RBFOX1: variants seen among roughly 807,000 people sequenced by gnomAD.
RBFOX1 encodes RNA binding protein fox-1 homolog 1.
In RBFOX1, 8 loss-of-function variants were observed where a neutral mutation model predicts 57.7. That is an observed-to-expected ratio of 0.14 (90% CI 0.08 to 0.25). The LOEUF is 0.25. Among genes scored for constraint, RBFOX1 ranks in the 10% least tolerant of loss-of-function variants. The probability of loss-of-function intolerance (pLI) is 1.00; values close to 1 mark genes in which losing one functional copy is unlikely to be tolerated. For synonymous variants in RBFOX1, 326 were observed against 222.4 expected, an observed-to-expected ratio of 1.47 and a Z score of -4.15; for missense variants, 611 against 548.5, an observed-to-expected ratio of 1.11 and a Z score of -1.14.
chr16:6,474,719 G>T (rs1220117028), intron 2 of RBFOX1, among the ~76,000 whole-genome samples: 1 of 152,158 alleles, frequency 6.6e-6, no homozygotes, highest in Non-Finnish European at 1.5e-5. Context: ...GTGGTGAGAT[G>T]AGTTCCCTTT....
intron 1 of RBFOX1, among the ~76,000 whole-genome samples, chr16:5,446,906 C>A (rs959230866): frequency 1.3e-5 from 2 of 152,138 alleles, no homozygotes; most frequent in African/African-American, 4.8e-5. Flanking sequence ...GGTCTTTTCT[C>A]CCTGAGGCTC....
intron 3 of RBFOX1, among the ~76,000 whole-genome samples, chr16:6,943,230 C>G (rs1297179634): frequency 2.6e-5 from 4 of 152,176 alleles, no homozygotes; most frequent in South Asian, 2.1e-4. Context: ...ATAGAGCCCT[C>G]AAGAGAAAGC....
chr16:7,244,725 G>A (rs1471512712), intron 4 of RBFOX1, among the ~76,000 whole-genome samples: 1 of 152,146 alleles, frequency 6.6e-6, no homozygotes, highest in Non-Finnish European at 1.5e-5. Flanking sequence ...ATTGTGTAGT[G>A]TGTAAAGATC....
chr16:7,173,969 T>C (rs1336870888), intron 4 of RBFOX1, among the ~76,000 whole-genome samples: 1 of 152,128 alleles, frequency 6.6e-6, no homozygotes, highest in African/African-American at 2.4e-5. Flanking sequence ...GACAAACCAT[T>C]TGGTCTTCCA....
chr16:7,668,180 C>G (rs759990451), intron 13 of RBFOX1, among the ~76,000 whole-genome samples: 1 of 152,178 alleles, frequency 6.6e-6, no homozygotes, highest in Non-Finnish European at 1.5e-5. Context: ...CTCCCCCGTC[C>G]TTTGTTCTTC....
At chr16:5,904,469 C>T (rs1800209445) in intron 4 of RBFOX1, among the ~76,000 whole-genome samples, 3 of 151,714 alleles carry the variant, frequency 2.0e-5, no homozygotes, top group Admixed American at 2.0e-4. Context: ...TCGCTAAAAG[C>T]CTCTGAGAGA....
Position 5,915,287 on chromosome 16 carries a change from C to T in RBFOX1, c.351+47952C>T, listed in dbSNP as rs556665902. ...CTTTTCCATCTATTAATATTTTATT[C>T]CACATGATTTGAGTAGAGTCAAGAT... On this transcript the variant is annotated intron_variant, in intron 4 of 19. Transcript: ENST00000641259. 2.5e-3 allele frequency among the ~76,000 whole-genome samples: 379 copies of T among 152,280 alleles called. 3 individuals carry two copies. Among genetic ancestry groups the T allele is most frequent in the Middle Eastern group, 0.02 (6 of 294 alleles).
chr16:5,815,200 C>T (rs116034564), intron 3 of RBFOX1, among the ~76,000 whole-genome samples: 2,574 of 130,828 alleles, frequency 0.02, 91 homozygotes, highest in African/African-American at 0.07. Flanking sequence ...CACTATGTTG[C>T]CAAGGCTGGC....
At chr16:7,155,712 A>AATATAT (rs1186735495) in intron 4 of RBFOX1, among the ~76,000 whole-genome samples, 59 of 77,396 alleles carry the variant, frequency 7.6e-4, no homozygotes, top group African/African-American at 1.2e-3. Flanking sequence ...AAAAAAAAAA[A>AATATAT]ATATATATAT....
chr16:5,681,613 G>A (rs559997269), intron 3 of RBFOX1, among the ~76,000 whole-genome samples: 239 of 151,140 alleles, frequency 1.6e-3, no homozygotes, highest in Non-Finnish European at 2.6e-3. Flanking sequence ...GGCTGGACTC[G>A]AACTCCCGAC....
intron 2 of RBFOX1, among the ~76,000 whole-genome samples, chr16:6,433,666 G>C (rs368637298): frequency 3.3e-5 from 5 of 152,054 alleles, no homozygotes; most frequent in Non-Finnish European, 4.4e-5. Context: ...GGTGTTAGCA[G>C]GGCTCAGTTT....
chr16:7,563,531 G>T (rs932468927), intron 5 of RBFOX1, among the ~76,000 whole-genome samples: 8 of 152,084 alleles, frequency 5.3e-5, no homozygotes, highest in Non-Finnish European at 8.8e-5. Flanking sequence ...GCAATGGCAC[G>T]ATCTCTGCTC....
At chr16:5,894,387 A>G (rs2152156915) in intron 4 of RBFOX1, among the ~76,000 whole-genome samples, 1 of 152,232 alleles carries the variant, frequency 6.6e-6, no homozygotes, top group East Asian at 1.9e-4. Context: ...GGTTCCAGTG[A>G]TTCTCTTGCC....
At chr16:5,456,125 GT>G (rs2068624432) in intron 1 of RBFOX1, among the ~76,000 whole-genome samples, 1 of 151,176 alleles carries the variant, frequency 6.6e-6, no homozygotes, top group African/African-American at 2.4e-5. Context: ...AAAAAAAAAC[GT>G]GCTTAACATG....
intron 11 of RBFOX1, among the ~76,000 whole-genome samples, chr16:7,648,187 G>C (rs978526016): frequency 2.6e-5 from 4 of 152,066 alleles, no homozygotes; most frequent in Non-Finnish European, 5.9e-5. Flanking sequence ...AAGCCATGTT[G>C]TCCCTAAACC....
chr16:7,027,236 T>C (rs1406367831), intron 3 of RBFOX1, among the ~76,000 whole-genome samples: 1 of 152,176 alleles, frequency 6.6e-6, no homozygotes, highest in Admixed American at 6.5e-5. Flanking sequence ...CATAAATATT[T>C]GTTCAACTAA....
chr16:7,002,770 C>T (rs1006055186), intron 3 of RBFOX1, among the ~76,000 whole-genome samples: 1 of 152,242 alleles, frequency 6.6e-6, no homozygotes. Context: ...TTAAAATACA[C>T]TTCCTGAATG....
At chr16:5,864,513 G>T (rs1217453441) in intron 3 of RBFOX1, among the ~76,000 whole-genome samples, 2 of 149,432 alleles carry the variant, frequency 1.3e-5, no homozygotes, top group African/African-American at 4.9e-5. Context: ...TGTGTGTGTG[G>T]TGAGGGAGAG....
intron 3 of RBFOX1, among the ~76,000 whole-genome samples, chr16:5,679,120 C>G (rs1352144627): frequency 6.6e-6 from 1 of 152,144 alleles, no homozygotes; most frequent in African/African-American, 2.4e-5. Flanking sequence ...AGCTGTTCAG[C>G]TAATTGGCAA....
Sources: gnomAD v4.1 joint callset for allele counts (sites outside exome capture counted in the v4.1 genomes callset) on GRCh38, gnomAD v4.1.1 for gene constraint, MANE v1.5 for transcripts, NCBI Gene and HGNC (gene_info 2026-07-23, HGNC 2026-07-21) for gene names.